EHMT1: variants seen among roughly 807,000 people sequenced by gnomAD.
EHMT1 encodes the protein euchromatic histone lysine methyltransferase 1, also known as histone-lysine N-methyltransferase EHMT1.
EHMT1 carries 15 observed loss-of-function variants against 147.2 expected under a neutral mutation model. That is an observed-to-expected ratio of 0.10 (90% CI 0.07 to 0.16). EHMT1 has a LOEUF of 0.16. Ranked by LOEUF, EHMT1 falls within the 10% of genes least tolerant of loss-of-function variation. EHMT1 has a pLI of 1.00. For synonymous variants in EHMT1, 795 were observed against 709.6 expected (o/e 1.12, Z -1.91); for missense variants, 1,587 against 1,772.4 (o/e 0.90, Z 1.88).
intron 1 of EHMT1, among the ~76,000 whole-genome samples, chr9:137,644,491 C>A (rs1844741403): frequency 6.6e-6 from 1 of 152,070 alleles, no homozygotes; most frequent in Non-Finnish European, 1.5e-5. Context: ...CCACGCCCAG[C>A]TAATTTTTGT....
intron 25 of EHMT1, among the ~76,000 whole-genome samples, chr9:137,833,750 C>T (rs946501456): frequency 6.6e-6 from 1 of 152,256 alleles, no homozygotes; most frequent in Non-Finnish European, 1.5e-5. Context: ...TCAGTCTCTT[C>T]GGCCTCGTGT....
intron 26 of EHMT1, 92 bp from the exon 27 acceptor site, chr9:137,834,681 G>T (rs1431471803): frequency 1.9e-6 from 3 of 1,603,830 alleles, no homozygotes; most frequent in Non-Finnish European, 2.6e-6. Context: ...GCAGATCGGG[G>T]TGAGGAAGCT....
rs1279037975 is a variant in EHMT1, at chr9:137,762,670, G to C, written c.1502-5G>C. 2.5e-6 allele frequency: 4 copies of C among 1,614,050 alleles called. No individual in the cohort carries two copies. The highest frequency in any genetic ancestry group is 3.4e-6 in the Non-Finnish European group (4 of 1,180,048). ...ATGAGCTGACATGTGTCTGTGTGAC[G>C]TTAGGGTTGGCCAACGGTCCAGATG... On this transcript the variant is annotated splice_polypyrimidine_tract_variant and splice_region_variant and intron_variant, in intron 9 of 26. Transcript: ENST00000460843.
At chr9:137,723,928 G>A (rs568106513) in intron 3 of EHMT1, among the ~76,000 whole-genome samples, 104 of 152,230 alleles carry the variant, frequency 6.8e-4, no homozygotes, top group Non-Finnish European at 1.4e-3. Context: ...AGCTCAGAGC[G>A]AGGCCTGCTC....
At chr9:137,717,605 C>CA (rs1163785484) in intron 3 of EHMT1, among the ~76,000 whole-genome samples, 10,069 of 69,424 alleles carry the variant, frequency 0.15, 697 homozygotes, top group Middle Eastern at 0.31. Context: ...GACCCTGTCT[C>CA]AAAAAAAAAA....
intron 1 of EHMT1, among the ~76,000 whole-genome samples, chr9:137,656,722 T>C (rs2134016803): frequency 6.6e-6 from 1 of 151,672 alleles, no homozygotes; most frequent in Non-Finnish European, 1.5e-5. Context: ...TGGATGCCCT[T>C]CCTTTTTTTT....
intron 4 of EHMT1, among the ~76,000 whole-genome samples, chr9:137,735,061 A>G (rs1266285555): frequency 6.6e-6 from 1 of 152,248 alleles, no homozygotes; most frequent in African/African-American, 2.4e-5. Context: ...TTGTACCTCC[A>G]CTTTTTGTTT....
intron 22 of EHMT1, chr9:137,815,478 G>T (rs979093804): frequency 7.4e-6 from 2 of 270,180 alleles, no homozygotes; most frequent in African/African-American, 4.4e-5. Flanking sequence ...TCTGCACCCA[G>T]TGCTGCTGTA....
At chr9:137,647,371 G>T (rs1056825393) in intron 1 of EHMT1, among the ~76,000 whole-genome samples, 1 of 152,092 alleles carries the variant, frequency 6.6e-6, no homozygotes, top group Non-Finnish European at 1.5e-5. Context: ...TCTGCCTCTC[G>T]CCCCGCAGCG....
At chr9:137,672,480 G>C (rs1226259342) in intron 1 of EHMT1, among the ~76,000 whole-genome samples, 1 of 152,080 alleles carries the variant, frequency 6.6e-6, no homozygotes, top group East Asian at 1.9e-4. Flanking sequence ...AGGAGGTTTT[G>C]ACATGGTAAC....
intron 18 of EHMT1, 46 bp from the exon 19 acceptor site, chr9:137,811,415 G>C: frequency 6.2e-7 from 1 of 1,609,180 alleles, no homozygotes; most frequent in Non-Finnish European, 8.5e-7. Context: ...CCAGCACTGT[G>C]AGCCAGCAGG....
At chr9:137,710,904 T>C in intron 1 of EHMT1, 63 bp from the exon 2 acceptor site, 1 of 1,529,194 alleles carries the variant, frequency 6.5e-7, no homozygotes, top group Non-Finnish European at 8.9e-7. Flanking sequence ...TTCCAAATGA[T>C]GTCCATTTGG....
intron 18 of EHMT1, 46 bp downstream of exon 18, chr9:137,801,030 G>C (rs1006473995): frequency 6.5e-7 from 1 of 1,533,872 alleles, no homozygotes; most frequent in African/African-American, 1.4e-5. Flanking sequence ...TGGAGGGGTG[G>C]GGACCTCCTC....
Position 137,787,712 on chromosome 9 carries a change from G to C in EHMT1, c.2383-3136G>C. The C allele has an allele frequency of 1.4e-6, 1 of 714,534 alleles. No individual in the cohort carries two copies. The highest frequency in any genetic ancestry group is 2.5e-5 in the East Asian group (1 of 39,632). 44.3% of individuals were successfully genotyped at this position (714,534 alleles called of 1,614,324 possible). A position where few individuals can be genotyped will look rare whatever the true frequency, so the allele number is the denominator to read the frequency against. On this transcript the variant is annotated intron_variant, in intron 15 of 26. Transcript: ENST00000460843. This position sits in a 1 kb window ranked among gnomAD's most constrained non-coding sequence, Gnocchi z 4.2. Reference sequence around the variant, plus strand: ...AGCCCGCCTGGGCCAGGGGCCGCCAGGTCCCCAGGGTGCCACCGAAACATC... The same window carrying C: ...AGCCCGCCTGGGCCAGGGGCCGCCACGTCCCCAGGGTGCCACCGAAACATC...
chr9:137,822,743 A>C lies in EHMT1; in HGVS notation c.3540+4605A>C, dbSNP rs1458545404. On this transcript the variant is annotated intron_variant, in intron 25 of 26. Transcript: ENST00000460843. The stretch of plus-strand genomic sequence containing the variant: ...CCCCGTCTCTACTAAAAATACAAAA[A>C]TTAGCCGGGTGTGGTGGCGCATGCC... 2.6e-5 allele frequency among the ~76,000 whole-genome samples: 4 copies of C among 152,168 alleles called. No individual in the cohort carries two copies. In the East Asian group the frequency reaches 7.8e-4, roughly 30 times the overall value.
intron 18 of EHMT1, among the ~76,000 whole-genome samples, chr9:137,805,021 C>A (rs1484459813): frequency 6.6e-6 from 1 of 151,528 alleles, no homozygotes; most frequent in Non-Finnish European, 1.5e-5. Flanking sequence ...ATGTGTGAGT[C>A]AGTCATCTGC....
At position 137,782,149 on chromosome 9, in the gene EHMT1, G is replaced by A. The variant is rs1951607862; in HGVS notation, c.2276-142G>A. ...AGTCTCAAGTCCAGAGGATGGTGCTGTGGGCGGGTTCCGGCGTGGCTCGAG... is the reference window on the plus strand; with the variant it reads ...AGTCTCAAGTCCAGAGGATGGTGCTATGGGCGGGTTCCGGCGTGGCTCGAG... On this transcript the variant is annotated intron_variant, in intron 14 of 26. Transcript: ENST00000460843. The surrounding 1 kb of genome is among the most constrained non-coding windows in gnomAD (Gnocchi z 5.7). 1.4e-6 allele frequency: 1 copy of A among 724,614 alleles called. No homozygotes were observed. The highest frequency in any genetic ancestry group is 2.4e-6 in the Non-Finnish European group (1 of 410,996). 44.9% of individuals were successfully genotyped at this position (724,614 alleles called of 1,614,324 possible).
chr9:137,810,153 C>T (rs1954317161), intron 18 of EHMT1, among the ~76,000 whole-genome samples: 1 of 146,024 alleles, frequency 6.8e-6, no homozygotes, highest in Non-Finnish European at 1.5e-5. Flanking sequence ...CCCTCGTGGA[C>T]TGTGGGTGAT....
intron 25 of EHMT1, among the ~76,000 whole-genome samples, chr9:137,821,617 C>T (rs1287153137): frequency 1.3e-5 from 2 of 152,176 alleles, no homozygotes; most frequent in African/African-American, 4.8e-5. Flanking sequence ...CAGGAGTGAG[C>T]CACTGTGCCC....
Sources: allele counts gnomAD v4.1 joint callset (sites outside exome capture counted in the v4.1 genomes callset), GRCh38; gene constraint gnomAD v4.1.1; non-coding constraint Gnocchi (gnomAD v3.1); transcripts MANE v1.5; gene names NCBI Gene and HGNC (gene_info 2026-07-23, HGNC 2026-07-21).